Variants in KCNK10 observed in about 807,000 individuals in gnomAD.
KCNK10 encodes the protein potassium channel subfamily K member 10.
In KCNK10, 25 loss-of-function variants were observed where a neutral mutation model predicts 47.7. The ratio of observed to expected loss-of-function variants is 0.52; its 90% CI spans 0.38 to 0.73. The LOEUF is 0.73. KCNK10 is among the 30% of genes least tolerant of loss of function. The probability of loss-of-function intolerance (pLI) is 0.00; values close to 1 mark genes in which losing one functional copy is unlikely to be tolerated. For synonymous variants in KCNK10, 303 were observed against 285.6 expected (o/e 1.06, Z -0.61); for missense variants, 563 against 714.5 (o/e 0.79, Z 2.42).
intron 1 of KCNK10, chr14:88,270,962 A>G: frequency 3.0e-6 from 2 of 657,226 alleles, no homozygotes; most frequent in South Asian, 3.5e-5. Context: ...CACAGGCCTC[A>G]CCCACTGCCA....
chr14:88,270,410 A>T lies in KCNK10; in HGVS notation c.53-6859T>A, dbSNP rs563824995. ...CATGTTTTCCCTGTTTCCATGGGAC[A>T]GCCCTACCTTAAAGGCAATCAAGCT... On this transcript the variant is annotated intron_variant, in intron 1 of 6. Transcript: ENST00000319231. Among the ~76,000 whole-genome samples, 3 of 152,186 alleles carry T rather than the reference A, an allele frequency of 2.0e-5. No homozygotes were observed. In the East Asian group the frequency reaches 5.8e-4, roughly 30 times the overall value.
At chr14:88,310,084 G>C (rs1888279876) in intron 1 of KCNK10, among the ~76,000 whole-genome samples, 1 of 131,768 alleles carries the variant, frequency 7.6e-6, no homozygotes, top group African/African-American at 2.7e-5. Context: ...AAATTAGTTT[G>C]TTACCCTGAG....
chr14:88,238,393 A>G (rs1286988485), intron 3 of KCNK10, among the ~76,000 whole-genome samples: 1 of 152,220 alleles, frequency 6.6e-6, no homozygotes, highest in Non-Finnish European at 1.5e-5. Context: ...TTTCCTGGCC[A>G]GGAACAGTGG....
intron 1 of KCNK10, among the ~76,000 whole-genome samples, chr14:88,307,464 TG>T (rs976584502): frequency 3.3e-5 from 5 of 151,794 alleles, no homozygotes; most frequent in African/African-American, 1.2e-4. Flanking sequence ...AGAGATAAAA[TG>T]GGGAGTGACT....
chr14:88,287,620 G>A (rs1887789845), intron 1 of KCNK10, among the ~76,000 whole-genome samples: 1 of 151,706 alleles, frequency 6.6e-6, no homozygotes, highest in Non-Finnish European at 1.5e-5. Context: ...ATTCCATCCA[G>A]GTTGCTGCAG....
At chr14:88,271,231 G>A (rs1426021044) in intron 1 of KCNK10, among the ~76,000 whole-genome samples, 1 of 152,160 alleles carries the variant, frequency 6.6e-6, no homozygotes, top group Non-Finnish European at 1.5e-5. Context: ...ACAACTAGGA[G>A]ACCCCTGGTT....
In KCNK10 at chr14:88,181,050, G is replaced by T; in HGVS notation, c.*4485C>A. ...ATATTAGCAAAATGCAACAAGCAGA[G>T]ATGTGGAATGCAACACTGGCTGGTT... On this transcript the variant is annotated 3_prime_UTR_variant, in exon 7 of 7. Transcript: ENST00000319231. 2.6e-6 allele frequency: 1 copy of T among 385,870 alleles called. No homozygotes were observed. Among genetic ancestry groups the T allele is most frequent in the Non-Finnish European group, 4.6e-6 (1 of 218,436 alleles). 23.9% of individuals were successfully genotyped at this position (385,870 alleles called of 1,614,324 possible).
At position 88,240,728 on chromosome 14, in the gene KCNK10, A is replaced by G; in HGVS notation, c.495T>C (p.Phe165=). Residue 165 remains phenylalanine (F), a synonymous_variant, in exon 3 of 7, where the codon TTT becomes TTC. Transcript: ENST00000319231. ...SHWDLGSAFF[F]AGTVITTIGY... is the part of the protein sequence containing the mutation. ...CTATGGTCGTAATGACAGTTCCAGCAAAGAAAAAGGCACTGCCGAGGTCCC... is the reference window on the plus strand; with the variant it reads ...CTATGGTCGTAATGACAGTTCCAGCGAAGAAAAAGGCACTGCCGAGGTCCC... The G allele has an allele frequency of 6.2e-7, 1 of 1,613,100 alleles. No homozygotes were observed. The highest frequency in any genetic ancestry group is 8.5e-7 in the Non-Finnish European group (1 of 1,179,050).
At chr14:88,271,926 C>CA (rs547395690) in intron 1 of KCNK10, among the ~76,000 whole-genome samples, 4,402 of 112,502 alleles carry the variant, frequency 0.039, 93 homozygotes, top group East Asian at 0.13. Flanking sequence ...AAAGGTATGG[C>CA]AAAAAAAAAA....
Position 88,322,640 on chromosome 14 carries a change from G to C in KCNK10, c.52+107C>G, listed in dbSNP as rs1888570998. 1 of 1,492,336 alleles carries C rather than the reference G, an allele frequency of 6.7e-7. No homozygotes were observed. Among genetic ancestry groups the C allele is most frequent in the Non-Finnish European group, 9.3e-7 (1 of 1,077,378 alleles). The allele number at this position is 1,492,336 out of a possible 1,614,324, so 92.4% of individuals were successfully genotyped here. ...CTGCAGTTCCCAGGCGCATTTCCCAGCCTCAGGACACACGCTGCCAGAAGC... is the reference window on the plus strand; with the variant it reads ...CTGCAGTTCCCAGGCGCATTTCCCACCCTCAGGACACACGCTGCCAGAAGC... On this transcript the variant is annotated intron_variant, in intron 1 of 6. Transcript: ENST00000319231. This position sits in a 1 kb window ranked among gnomAD's most constrained non-coding sequence, Gnocchi z 4.8.
chr14:88,287,597 A>C (rs1887789538), intron 1 of KCNK10, among the ~76,000 whole-genome samples: 1 of 152,032 alleles, frequency 6.6e-6, no homozygotes, highest in Non-Finnish European at 1.5e-5. Context: ...TTCACTTAGA[A>C]TGTTGGTCTC....
intron 1 of KCNK10, among the ~76,000 whole-genome samples, chr14:88,299,213 T>C (rs1030844080): frequency 6.6e-6 from 1 of 152,234 alleles, no homozygotes; most frequent in Non-Finnish European, 1.5e-5. Flanking sequence ...ATCTGGCAAA[T>C]ACTTGTTGAA....
intron 2 of KCNK10, 134 bp from the exon 3 acceptor site, chr14:88,240,954 G>A (rs1053120192): frequency 7.1e-6 from 4 of 563,606 alleles, no homozygotes; most frequent in Non-Finnish European, 1.3e-5. Flanking sequence ...AACTGGTTAA[G>A]TGGATGATGG....
intron 4 of KCNK10, among the ~76,000 whole-genome samples, chr14:88,222,201 C>T (rs1202758892): frequency 6.6e-6 from 1 of 152,164 alleles, no homozygotes; most frequent in East Asian, 1.9e-4. Flanking sequence ...GGCTTATTCA[C>T]TATCATGAGA....
chr14:88,293,312 A>G (rs11848717), intron 1 of KCNK10, among the ~76,000 whole-genome samples: 2,241 of 152,224 alleles, frequency 0.015, 64 homozygotes, highest in African/African-American at 0.052. Context: ...CAACTGTCCA[A>G]TTGACATTCC....
intron 1 of KCNK10, among the ~76,000 whole-genome samples, chr14:88,294,393 G>C (rs1425793695): frequency 6.6e-6 from 1 of 152,234 alleles, no homozygotes; most frequent in Non-Finnish European, 1.5e-5. Context: ...CCTAAGAATA[G>C]AGCAATGCAA....
At chr14:88,205,826 G>A (rs567109519) in intron 4 of KCNK10, among the ~76,000 whole-genome samples, 38 of 152,062 alleles carry the variant, frequency 2.5e-4, no homozygotes, top group Non-Finnish European at 4.6e-4. Context: ...ATAGGCATAA[G>A]CCACCATGCC....
At chr14:88,280,619 C>T (rs1400588377) in intron 1 of KCNK10, among the ~76,000 whole-genome samples, 1 of 152,138 alleles carries the variant, frequency 6.6e-6, no homozygotes, top group Admixed American at 6.5e-5. Flanking sequence ...AGTCTCACCT[C>T]CCCGAATGAT....
intron 2 of KCNK10, among the ~76,000 whole-genome samples, chr14:88,242,703 C>T (rs1426848705): frequency 6.6e-6 from 1 of 152,196 alleles, no homozygotes; most frequent in East Asian, 1.9e-4. Flanking sequence ...CTGCTCTGCT[C>T]TAGAGGGCAG....
Sources: gnomAD v4.1 joint callset for allele counts (sites outside exome capture counted in the v4.1 genomes callset) on GRCh38, gnomAD v4.1.1 for gene constraint, Gnocchi (gnomAD v3.1) non-coding constraint, MANE v1.5 for transcripts, NCBI Gene and HGNC (gene_info 2026-07-23, HGNC 2026-07-21) for gene names.